The following HEATR5B variants were observed in gnomAD, a reference collection of about 807,000 sequenced individuals.
HEATR5B encodes the protein HEAT repeat-containing protein 5B.
A neutral mutation model predicts 224.1 loss-of-function variants in HEATR5B; 156 were observed. That is an observed-to-expected ratio of 0.70 (90% confidence interval 0.61 to 0.80). HEATR5B has a LOEUF of 0.80. Ranked by LOEUF, HEATR5B falls within the 30% of genes least tolerant of loss-of-function variation. HEATR5B has a pLI of 0.00. For synonymous variants in HEATR5B, 1,027 were observed against 893.0 expected (o/e 1.15, Z -2.68); for missense variants, 2,323 against 2,535.5 (o/e 0.92, Z 1.80).
intron 27 of HEATR5B, among the ~76,000 whole-genome samples, chr2:37,010,074 A>C (rs1667692677): frequency 6.6e-6 from 1 of 152,160 alleles, no homozygotes; most frequent in South Asian, 2.1e-4. Context: ...CTTTCCTAAA[A>C]TATAATTTCA....
rs1669847926 is a variant in HEATR5B, at chr2:37,041,202, T to C, written c.2787A>G (p.Gly929=). The change falls in exon 19 of 36, where the codon GGA becomes GGG. Residue 929 remains glycine, a synonymous_variant. Coordinates refer to ENST00000233099, the MANE Select transcript of HEATR5B (RefSeq NM_019024.3). ...TGCTGACACTGGTCTTCAGATGTTG[T>C]CCTGAGCCTATTCCACCAACATAAC... The part of the protein sequence containing the change: ...LHRYVGGIGS[G]QHLKTSVSIL... 6.2e-7 allele frequency: 1 copy of C among 1,613,982 alleles called. No homozygotes were observed. The highest frequency in any genetic ancestry group is 1.3e-5 in the African/African-American group (1 of 74,928).
intron 22 of HEATR5B, 35 bp from the exon 23 acceptor site, chr2:37,028,955 T>A: frequency 6.2e-7 from 1 of 1,606,932 alleles, no homozygotes; most frequent in Non-Finnish European, 8.5e-7. Context: ...ATTTGTATGG[T>A]ATTTTGGTGT....
chr2:37,076,752 CT>C (rs142801513), intron 4 of HEATR5B, among the ~76,000 whole-genome samples, 158 bp downstream of exon 4: 4,484 of 152,162 alleles, frequency 0.029, 81 homozygotes, highest in Middle Eastern at 0.034. Flanking sequence ...TCCCTTCCCC[CT>C]GATATACATT....
At chr2:37,012,827 T>G (rs746181301) in intron 27 of HEATR5B, among the ~76,000 whole-genome samples, 34 of 152,216 alleles carry the variant, frequency 2.2e-4, no homozygotes, top group Non-Finnish European at 4.6e-4. Context: ...CATGTTTCAA[T>G]GTAAACATCA....
chr2:37,021,698 G>A (rs1402051117), intron 24 of HEATR5B, among the ~76,000 whole-genome samples: 3 of 152,016 alleles, frequency 2.0e-5, no homozygotes, highest in Admixed American at 2.0e-4. Context: ...GACCAGTCTG[G>A]GAAACATGGT....
chr2:37,007,767 CTGA>C (rs1373866243), intron 28 of HEATR5B, among the ~76,000 whole-genome samples: 1 of 152,222 alleles, frequency 6.6e-6, no homozygotes, highest in Non-Finnish European at 1.5e-5. Context: ...TTTTCTGTAG[CTGA>C]TGAACTGGAA....
At chr2:37,081,774 A>G (rs991172738) in intron 2 of HEATR5B, among the ~76,000 whole-genome samples, 1 of 152,192 alleles carries the variant, frequency 6.6e-6, no homozygotes, top group Non-Finnish European at 1.5e-5. Flanking sequence ...GGGGAGATGC[A>G]GTGAAAGTTC....
intron 35 of HEATR5B, among the ~76,000 whole-genome samples, chr2:36,988,032 A>G (rs937954384): frequency 2.0e-5 from 3 of 151,772 alleles, no homozygotes; most frequent in African/African-American, 7.3e-5. Context: ...AGATGGTGCC[A>G]TTGCATGCCA....
At chr2:37,046,069 T>G (rs574585463) in intron 18 of HEATR5B, among the ~76,000 whole-genome samples, 4 of 152,206 alleles carry the variant, frequency 2.6e-5, no homozygotes, top group Non-Finnish European at 4.4e-5. Flanking sequence ...ATGTAGAGAT[T>G]TGAAATGAAG....
chr2:37,030,002 C>T (rs1361261336), intron 22 of HEATR5B, among the ~76,000 whole-genome samples: 13 of 151,222 alleles, frequency 8.6e-5, no homozygotes, highest in Admixed American at 8.6e-4. Context: ...AGAGTAACAA[C>T]AACCAAAAAG....
At position 37,005,751 on chromosome 2, in the gene HEATR5B, TA is replaced by T. The variant is rs1667373760; in HGVS notation, c.4785del (p.Ser1595ArgfsTer28). On this transcript the variant is annotated frameshift_variant, in exon 30 of 36. Transcript: ENST00000233099. LOFTEE classifies it high-confidence loss of function. ...GGTCTAGGGGAACAAAGAAACTGTA[TA>T]CTCACACCTGAAATGCACAAAATAA... is the stretch of plus-strand genomic sequence containing the variant. ...KDRMHLILGV[S>X]IQFLCSPRPE... The T allele has an allele frequency of 6.3e-7, 1 of 1,585,854 alleles. No homozygotes were observed. The highest frequency in any genetic ancestry group is 8.5e-7 in the Non-Finnish European group (1 of 1,171,362).
At chr2:37,059,031 G>C (rs1653462530) in intron 12 of HEATR5B, 44 bp from the exon 13 acceptor site, 1 of 1,169,896 alleles carries the variant, frequency 8.5e-7, no homozygotes. Context: ...TAGCTTTTGT[G>C]AACATGAATT....
At chr2:37,002,599 TTTCCAGCC>T in intron 31 of HEATR5B, 27 bp from the exon 32 acceptor site, 1 of 1,596,024 alleles carries the variant, frequency 6.3e-7, no homozygotes, top group African/African-American at 1.4e-5. Context: ...TTTGGTGAAA[TTTCCAGCC>T]AAAAAAAAGT....
rs772807764 is a variant in HEATR5B at position 37,079,272 on chromosome 2, A to G, written c.186T>C (p.Ser62=). ...ATTTTCGTGTAGGTGGTCCAGGTGA[A>G]CTACTTATTAATCCAGTTAATTGTT... ...LVEQLTGLIS[S]SPGPPTRKLL... Residue 62 remains serine, a synonymous_variant, in exon 3 of 36, where the codon AGT becomes AGC. Transcript: ENST00000233099. 1 of 1,613,092 alleles carries G rather than the reference A, an allele frequency of 6.2e-7. No individual in the cohort carries two copies. Among genetic ancestry groups the G allele is most frequent in the Non-Finnish European group, 8.5e-7 (1 of 1,179,350 alleles).
At chr2:37,002,217 C>A in intron 32 of HEATR5B, 89 bp downstream of exon 32, 3 of 1,379,600 alleles carry the variant, frequency 2.2e-6, no homozygotes, top group Non-Finnish European at 3.0e-6. Flanking sequence ...TAAGAGGAAA[C>A]TGGGTTATAA....
chr2:37,024,434 G>C (rs1307982398), intron 24 of HEATR5B, among the ~76,000 whole-genome samples: 1 of 152,168 alleles, frequency 6.6e-6, no homozygotes. Context: ...TAATGCATTT[G>C]TTAATTTGCT....
chr2:37,037,159 T>TA (rs1448007926), intron 21 of HEATR5B, among the ~76,000 whole-genome samples: 4 of 139,394 alleles, frequency 2.9e-5, no homozygotes, highest in East Asian at 2.4e-4. Flanking sequence ...TATATATATA[T>TA]TTTGGAGATG....
chr2:36,999,760 G>C (rs4670181), intron 33 of HEATR5B, among the ~76,000 whole-genome samples: 95,034 of 151,556 alleles, frequency 0.63, 30,958 homozygotes, highest in African/African-American at 0.81. Flanking sequence ...CGTCTGTAAT[G>C]CTAGCAACTT....
At position 37,057,302 on chromosome 2, in the gene HEATR5B, C is replaced by T; in HGVS notation, c.2223+15G>A. 2 of 1,573,884 alleles carry T rather than the reference C, an allele frequency of 1.3e-6. No individual in the cohort carries two copies. Among genetic ancestry groups the T allele is most frequent in the South Asian group, 2.4e-5 (2 of 84,436 alleles). ...CAGATTAAGTTAGTATTTCATTTTC[C>T]TCTATGTTTATTACCTGGTCTTCAA... On this transcript the variant is annotated intron_variant, in intron 15 of 35. Transcript: ENST00000233099.
Sources: allele counts gnomAD v4.1 joint callset (sites outside exome capture counted in the v4.1 genomes callset), GRCh38; gene constraint gnomAD v4.1.1; transcripts MANE v1.5; gene names NCBI Gene and HGNC (gene_info 2026-07-23, HGNC 2026-07-21).